CLTCL1: variants seen among roughly 807,000 people sequenced by gnomAD.
CLTCL1 encodes clathrin heavy chain 2.
CLTCL1 carries 159 observed loss-of-function variants against 190.0 expected under a neutral mutation model. The observed-to-expected ratio is 0.84, with a 90% confidence interval of 0.74 to 0.95. The LOEUF (loss-of-function observed/expected upper bound fraction) is 0.95, where lower values mean the gene tolerates loss of function less well. Among genes scored for constraint, CLTCL1 ranks in the 40% least tolerant of loss-of-function variants. CLTCL1 has a pLI of 0.00. For synonymous variants in CLTCL1, 752 were observed against 769.6 expected (o/e 0.98, Z 0.38); for missense variants, 1,878 against 2,033.4 (o/e 0.92, Z 1.47).
chr22:19,231,901 C>T (rs565904916), intron 10 of CLTCL1, among the ~76,000 whole-genome samples: 2 of 152,272 alleles, frequency 1.3e-5, no homozygotes, highest in South Asian at 4.1e-4. Flanking sequence ...TACAACTGCA[C>T]TTATTATTTC....
chr22:19,233,267 G>A lies in CLTCL1; in HGVS notation c.1420C>T (p.Leu474Phe). 1 of 1,613,988 alleles carries A rather than the reference G, an allele frequency of 6.2e-7. No homozygotes were observed. Among genetic ancestry groups the A allele is most frequent in the East Asian group, 2.2e-5 (1 of 44,882 alleles). ...GCCCGAAGGTACACACTCAGAGCGA[G>A]CATGGGGTCAGTGGTTTTGACCAAG... ...GDLVKTTDPM[L>F]ALSVYLRANV... Residue 474 changes from leucine (L) to phenylalanine (F), a missense_variant, in exon 9 of 33, where the codon CTC becomes TTC. Coordinates refer to ENST00000427926, the MANE Select transcript of CLTCL1 (RefSeq NM_007098.4).
chr22:19,189,340 G>C (rs1438396004), intron 27 of CLTCL1, among the ~76,000 whole-genome samples: 1 of 152,214 alleles, frequency 6.6e-6, no homozygotes, highest in African/African-American at 2.4e-5. Context: ...AGCATGCAAT[G>C]CTCTTTGATA....
At chr22:19,275,924 GA>G (rs2087486477) in intron 1 of CLTCL1, 94 bp from the exon 2 acceptor site, 1 of 1,121,374 alleles carries the variant, frequency 8.9e-7, no homozygotes, top group Non-Finnish European at 1.3e-6. Context: ...ATAAAATTTA[GA>G]AAAAAGTTAA....
At position 19,255,631 on chromosome 22, in the gene CLTCL1, C is replaced by T. The variant is rs145796319; in HGVS notation, c.251-1404G>A. Among the ~76,000 whole-genome samples the T allele has an allele frequency of 5.8e-3, 864 of 149,166 alleles. 11 individuals are homozygous for T. The highest frequency in any genetic ancestry group is 0.019 in the African/African-American group (778 of 40,520). On this transcript the variant is annotated intron_variant, in intron 2 of 32. Coordinates refer to ENST00000427926, the MANE Select transcript of CLTCL1 (RefSeq NM_007098.4). ...TGGAAATATAAAAAAGAATTCAGGCCGGGCATGGTGGCTCACGCCTGTAAT... is the reference window on the plus strand; with the variant it reads ...TGGAAATATAAAAAAGAATTCAGGCTGGGCATGGTGGCTCACGCCTGTAAT...
intron 2 of CLTCL1, among the ~76,000 whole-genome samples, chr22:19,270,104 G>T: frequency 6.6e-6 from 1 of 151,988 alleles, no homozygotes; most frequent in East Asian, 1.9e-4. Flanking sequence ...AACAAAATGT[G>T]GCATATCCAT....
chr22:19,181,101 C>A, intron 30 of CLTCL1: 1 of 469,868 alleles, frequency 2.1e-6, no homozygotes, highest in South Asian at 2.9e-5. Flanking sequence ...ATGTGGCCTG[C>A]TTATGGGGGG....
In CLTCL1 at chr22:19,199,853, AG is replaced by A; in HGVS notation, c.3766-13del. On this transcript the variant is annotated splice_polypyrimidine_tract_variant and intron_variant, in intron 23 of 32. Transcript: ENST00000427926. ...CAGGCAAAGCACACCTAGGGGACGG[AG>A]GGCAAGCGTGAGGGTCCCCAAGACA... 2 of 1,574,230 alleles carry A rather than the reference AG, an allele frequency of 1.3e-6. No homozygotes were observed. The highest frequency in any genetic ancestry group is 1.7e-6 in the Non-Finnish European group (2 of 1,158,570).
chr22:19,206,900 T>A (rs1601516374), intron 22 of CLTCL1, among the ~76,000 whole-genome samples: 2 of 152,090 alleles, frequency 1.3e-5, no homozygotes, highest in South Asian at 4.1e-4. Flanking sequence ...ATTATTTAGA[T>A]CTTTTATTTA....
intron 3 of CLTCL1, among the ~76,000 whole-genome samples, chr22:19,250,699 G>A (rs2086567857): frequency 6.6e-6 from 1 of 151,916 alleles, no homozygotes; most frequent in Non-Finnish European, 1.5e-5. Context: ...AACTACAGGT[G>A]CATGCCATCA....
chr22:19,274,006 AACAC>A (rs140044394), intron 2 of CLTCL1, among the ~76,000 whole-genome samples: 4 of 151,286 alleles, frequency 2.6e-5, no homozygotes, highest in African/African-American at 9.7e-5. Context: ...TCCACACCAC[AACAC>A]ACACACACAC....
At position 19,211,382 on chromosome 22, in the gene CLTCL1, T is replaced by C. The variant is rs1381973098; in HGVS notation, c.3066-873A>G. Among the ~76,000 whole-genome samples the C allele has an allele frequency of 4.5e-4, 68 of 152,206 alleles. 1 individual carries two copies. Among genetic ancestry groups the C allele is most frequent in the Non-Finnish European group, 2.8e-4 (19 of 68,030 alleles). On this transcript the variant is annotated intron_variant, in intron 19 of 32. Transcript: ENST00000427926. ...CCACTCTCCACACTTCTATTTGTGC[T>C]GGAGGTTCTGGTTAAGGCATTTAGG...
chr22:19,224,592 G>A (rs1364249409), intron 13 of CLTCL1, among the ~76,000 whole-genome samples: 1 of 152,126 alleles, frequency 6.6e-6, no homozygotes, highest in Non-Finnish European at 1.5e-5. Flanking sequence ...AACAGGGTAC[G>A]ACACATCTGA....
chr22:19,208,265 C>G lies in CLTCL1; in HGVS notation c.3489G>C (p.Lys1163Asn). ...CAGTCTCTATATAGGACTCACGGCC[C>G]TTTTTCCTGGCCATCTGCAGAAATT... ...LVKFLQMARKKGRESYIETEL... is the reference protein window; with the variant it reads ...LVKFLQMARKNGRESYIETEL... The change falls in exon 22 of 33, where the codon AAG (lysine) becomes AAC (asparagine). Residue 1163 changes from lysine to asparagine, a missense_variant. Coordinates refer to ENST00000427926, the MANE Select transcript of CLTCL1 (RefSeq NM_007098.4). 1 of 1,613,816 alleles carries G rather than the reference C, an allele frequency of 6.2e-7. No homozygotes were observed. Among genetic ancestry groups the G allele is most frequent in the South Asian group, 1.1e-5 (1 of 91,080 alleles).
intron 27 of CLTCL1, among the ~76,000 whole-genome samples, chr22:19,190,641 A>C (rs1239690174): frequency 6.6e-6 from 1 of 151,750 alleles, no homozygotes; most frequent in Non-Finnish European, 1.5e-5. Context: ...ACAGATCACC[A>C]TAACATATAT....
intron 1 of CLTCL1, among the ~76,000 whole-genome samples, chr22:19,286,285 G>A (rs1000504433): frequency 2.6e-5 from 4 of 152,060 alleles, no homozygotes; most frequent in Admixed American, 6.6e-5. Flanking sequence ...GCTCACCCTC[G>A]CAGACACCCT....
chr22:19,201,618 T>C, intron 22 of CLTCL1, 125 bp from the exon 23 acceptor site: 1 of 1,036,460 alleles, frequency 9.6e-7, no homozygotes, highest in Non-Finnish European at 1.4e-6. Context: ...ATCTTTCTGA[T>C]CGCACCAGTG....
In CLTCL1 at chr22:19,289,711, T is replaced by G. The variant is rs114614480; in HGVS notation, c.42+1889A>C. On this transcript the variant is annotated intron_variant, in intron 1 of 32. Coordinates refer to ENST00000427926, the MANE Select transcript of CLTCL1 (RefSeq NM_007098.4). ...GAGGCTATGACTGAACGAGGCTCCC[T>G]TATAGGGAAGAAGGATACCAGATCC... 1.0e-2 allele frequency among the ~76,000 whole-genome samples: 1,515 copies of G among 152,114 alleles called. 27 individuals carry two copies. Among genetic ancestry groups the G allele is most frequent in the African/African-American group, 0.034 (1,422 of 41,480 alleles).
At chr22:19,265,562 T>C (rs566497261) in intron 2 of CLTCL1, among the ~76,000 whole-genome samples, 2 of 152,140 alleles carry the variant, frequency 1.3e-5, no homozygotes, top group South Asian at 2.1e-4. Context: ...ATGATAAAAA[T>C]AGCACAACAG....
intron 20 of CLTCL1, 168 bp from the exon 21 acceptor site, chr22:19,209,282 G>A: frequency 1.8e-6 from 1 of 550,820 alleles, no homozygotes; most frequent in Admixed American, 3.3e-5. Flanking sequence ...TGAGGGAAGA[G>A]ACAAGAGCTA....
Sources: gnomAD v4.1 joint callset for allele counts (sites outside exome capture counted in the v4.1 genomes callset) on GRCh38, gnomAD v4.1.1 for gene constraint, MANE v1.5 for transcripts, NCBI Gene and HGNC (gene_info 2026-07-23, HGNC 2026-07-21) for gene names.